CCDC7: variants seen among roughly 807,000 people sequenced by gnomAD.
The protein encoded by CCDC7 is coiled-coil domain containing 7.
Under a neutral mutation model 196.9 loss-of-function variants are expected in CCDC7, and 183 were observed. The observed-to-expected ratio is 0.93, with a 90% CI of 0.82 to 1.05. The LOEUF (loss-of-function observed/expected upper bound fraction) is 1.05, where lower values mean the gene tolerates loss of function less well. Among genes scored for constraint, CCDC7 ranks in the 50% least tolerant of loss-of-function variants. The pLI is 0.00. For missense variants in CCDC7, 1,540 were observed against 1,482.2 expected, an observed-to-expected ratio of 1.04 and a Z score of -0.64; for synonymous variants, 525 against 484.6, an observed-to-expected ratio of 1.08 and a Z score of -1.10.
At chr10:32,612,505 A>G (rs2062272361) in intron 18 of CCDC7, among the ~76,000 whole-genome samples, 1 of 152,250 alleles carries the variant, frequency 6.6e-6, no homozygotes, top group Admixed American at 6.5e-5. Flanking sequence ...CTGGTTTTCA[A>G]AGGGAATGCT....
At chr10:32,743,699 T>C (rs2074189688) in intron 28 of CCDC7, among the ~76,000 whole-genome samples, 1 of 152,026 alleles carries the variant, frequency 6.6e-6, no homozygotes. Flanking sequence ...CGTATGTTTA[T>C]TGCGGCACTA....
At chr10:32,609,391 T>A (rs965682030) in intron 18 of CCDC7, among the ~76,000 whole-genome samples, 1 of 152,226 alleles carries the variant, frequency 6.6e-6, no homozygotes, top group Admixed American at 6.5e-5. Context: ...CTGTTTTGAC[T>A]TAGAGTCTTT....
At chr10:32,784,482 G>A (rs565926575) in intron 29 of CCDC7, among the ~76,000 whole-genome samples, 19 of 152,244 alleles carry the variant, frequency 1.2e-4, no homozygotes, top group Non-Finnish European at 2.5e-4. Context: ...GCGGTGTTTG[G>A]TTTTCTGTTC....
At chr10:32,463,973 A>G (rs1564355072) in intron 5 of CCDC7, among the ~76,000 whole-genome samples, 2 of 152,150 alleles carry the variant, frequency 1.3e-5, no homozygotes, top group Non-Finnish European at 1.5e-5. Flanking sequence ...CCTCTTTTAA[A>G]ATGTGTTCTT....
chr10:32,845,516 A>T, intron 34 of CCDC7, 27 bp from the exon 36 acceptor site: 1 of 1,539,774 alleles, frequency 6.5e-7, no homozygotes, highest in South Asian at 1.2e-5. Context: ...CTTACAAAAT[A>T]TACTGAAATC....
Position 32,584,323 on chromosome 10 carries a change from G to A in CCDC7, c.1801+19G>A. 6.6e-7 allele frequency: 1 copy of A among 1,508,392 alleles called. No homozygotes were observed. 93.4% of individuals were successfully genotyped at this position (1,508,392 alleles called of 1,614,324 possible). On this transcript the variant is annotated intron_variant, in intron 18 of 41. Coordinates refer to ENST00000639629, the Ensembl canonical transcript of CCDC7. ...TCTCAAGGTAAAAAGACTCTGTTTT[G>A]GAAGATGAAAATGTGATTGAATGAT...
At chr10:32,660,016 T>C (rs2070922119) in intron 20 of CCDC7, among the ~76,000 whole-genome samples, 1 of 152,202 alleles carries the variant, frequency 6.6e-6, no homozygotes, top group Non-Finnish European at 1.5e-5. Flanking sequence ...TATAAAGACG[T>C]GTGCACATGT....
chr10:32,524,955 G>T (rs189225760), intron 11 of CCDC7, among the ~76,000 whole-genome samples: 1 of 152,156 alleles, frequency 6.6e-6, no homozygotes, highest in African/African-American at 2.4e-5. Flanking sequence ...TTATCCCTTT[G>T]AATAAACTAT....
At chr10:32,647,340 C>T (rs2140065242) in intron 20 of CCDC7, among the ~76,000 whole-genome samples, 1 of 152,170 alleles carries the variant, frequency 6.6e-6, no homozygotes. Context: ...AGCCCTATCT[C>T]TACTGAAAAT....
chr10:32,578,662 C>T (rs1361750344), intron 16 of CCDC7, among the ~76,000 whole-genome samples: 1 of 151,816 alleles, frequency 6.6e-6, no homozygotes, highest in South Asian at 2.1e-4. Flanking sequence ...GTAATGCAAG[C>T]GATGGGAGAG....
intron 28 of CCDC7, among the ~76,000 whole-genome samples, chr10:32,764,216 C>T (rs1577578): frequency 0.14 from 20,790 of 151,158 alleles, 1,751 homozygotes; most frequent in East Asian, 0.25. Context: ...CCCCCACCAC[C>T]CTCTTTTGCT....
At chr10:32,565,519 C>G (rs796543705) in intron 13 of CCDC7, 39 bp from the exon 15 acceptor site, 2 of 1,583,526 alleles carry the variant, frequency 1.3e-6, no homozygotes, top group African/African-American at 2.7e-5. Context: ...ATTAAAAATA[C>G]CAAAGTAAAT....
intron 28 of CCDC7, among the ~76,000 whole-genome samples, chr10:32,772,263 C>T (rs556700877): frequency 1.3e-5 from 2 of 152,280 alleles, no homozygotes; most frequent in South Asian, 4.1e-4. Context: ...TGGGGAGTAG[C>T]AGGCAGTGGT....
At chr10:32,805,196 T>A (rs908779690) in intron 30 of CCDC7, 98 bp downstream of exon 31, 16 of 821,512 alleles carry the variant, frequency 1.9e-5, no homozygotes, top group Admixed American at 3.9e-5. Flanking sequence ...TTTGTTATTA[T>A]GACATGGGCA....
intron 28 of CCDC7, among the ~76,000 whole-genome samples, chr10:32,758,171 A>G (rs2076796148): frequency 6.6e-6 from 1 of 152,208 alleles, no homozygotes; most frequent in African/African-American, 2.4e-5. Flanking sequence ...TACCAGAGGT[A>G]CAAAAAGGGG....
At chr10:32,858,053 TATAAGCTACCAAG>T (rs147034712) in intron 41 of CCDC7, among the ~76,000 whole-genome samples, 1 of 123,510 alleles carries the variant, frequency 8.1e-6, no homozygotes. Context: ...CCTCAAAAAA[TATAAGCTACCAAG>T]ATTGAATCAG....
rs574184368 is a variant in CCDC7 at position 32,598,069 on chromosome 10, C to T, written c.1801+13765C>T. ...ACGTTTAAGTCTGCAGAAGTTTCTG[C>T]TGCCTTTTGTTCAGCTATGCCCTGC... On this transcript the variant is annotated intron_variant, in intron 18 of 41. Transcript: ENST00000639629. Among the ~76,000 whole-genome samples, 239 of 152,330 alleles carry T rather than the reference C, an allele frequency of 1.6e-3. 2 individuals carry two copies. The highest frequency in any genetic ancestry group is 4.2e-3 in the African/African-American group (176 of 41,584).
At chr10:32,601,183 C>T (rs906527494) in intron 18 of CCDC7, among the ~76,000 whole-genome samples, 1 of 152,152 alleles carries the variant, frequency 6.6e-6, no homozygotes, top group African/African-American at 2.4e-5. Context: ...AGTGATTCTC[C>T]TGCCTCAGCC....
At chr10:32,865,044 C>A (rs971042867) in intron 41 of CCDC7, among the ~76,000 whole-genome samples, 3 of 151,696 alleles carry the variant, frequency 2.0e-5, no homozygotes, top group Non-Finnish European at 4.4e-5. Flanking sequence ...AATAAGTTTG[C>A]GACCTTACTG....
Sources: allele counts gnomAD v4.1 joint callset (sites outside exome capture counted in the v4.1 genomes callset), GRCh38; gene constraint gnomAD v4.1.1; transcripts MANE v1.5; gene names NCBI Gene and HGNC (gene_info 2026-07-23, HGNC 2026-07-21).